Variants in NFIA observed in about 807,000 individuals in gnomAD.
NFIA encodes nuclear factor 1 A-type.
NFIA carries 8 observed loss-of-function variants against 62.8 expected under a neutral mutation model. That is an observed-to-expected ratio of 0.13 (90% CI 0.07 to 0.23). The LOEUF (loss-of-function observed/expected upper bound fraction) is 0.23. Ranked by LOEUF, NFIA falls within the 10% of genes least tolerant of loss-of-function variation. The probability of loss-of-function intolerance (pLI) is 1.00; values close to 1 mark genes in which losing one functional copy is unlikely to be tolerated. For missense variants in NFIA, 410 were observed against 642.1 expected (o/e 0.64, Z 3.91); for synonymous variants, 235 against 238.1 (o/e 0.99, Z 0.12).
intron 2 of NFIA, among the ~76,000 whole-genome samples, chr1:61,183,413 T>G (rs1650889986): frequency 6.6e-6 from 1 of 152,204 alleles, no homozygotes; most frequent in Admixed American, 6.5e-5. Flanking sequence ...AGCCCCTTGC[T>G]CTGGAGGAAC....
chr1:61,232,810 C>G (rs1654760300), intron 2 of NFIA, among the ~76,000 whole-genome samples: 1 of 151,830 alleles, frequency 6.6e-6, no homozygotes, highest in African/African-American at 2.4e-5. Context: ...TTTTTGAAAC[C>G]CATCTCAAGC....
chr1:61,132,425 G>A (rs1381613496), intron 2 of NFIA, among the ~76,000 whole-genome samples: 2 of 152,136 alleles, frequency 1.3e-5, no homozygotes, highest in Non-Finnish European at 2.9e-5. Flanking sequence ...AGGAAATACC[G>A]CCATGTCAGG....
intron 2 of NFIA, among the ~76,000 whole-genome samples, chr1:61,203,493 G>C (rs1652667734): frequency 6.6e-6 from 1 of 152,012 alleles, no homozygotes; most frequent in Admixed American, 6.6e-5. Flanking sequence ...GGGTTGCCTG[G>C]TTTTTGCTCT....
chr1:61,450,418 G>C (rs1668007397), intron 10 of NFIA, among the ~76,000 whole-genome samples: 1 of 152,172 alleles, frequency 6.6e-6, no homozygotes, highest in African/African-American at 2.4e-5. Context: ...AGAAGTGCGG[G>C]AAGCCAAAAA....
chr1:61,145,004 A>G (rs986907349), intron 2 of NFIA, among the ~76,000 whole-genome samples: 1 of 152,172 alleles, frequency 6.6e-6, no homozygotes, highest in Non-Finnish European at 1.5e-5. Context: ...TCAGAGTATG[A>G]CATTGCCTTC....
At chr1:61,306,495 C>T (rs764202230) in intron 3 of NFIA, among the ~76,000 whole-genome samples, 1 of 151,610 alleles carries the variant, frequency 6.6e-6, no homozygotes, top group Non-Finnish European at 1.5e-5. Context: ...AGGCTAGTCT[C>T]GAACTCCTGA....
intron 7 of NFIA, among the ~76,000 whole-genome samples, chr1:61,390,009 A>G (rs1664890479): frequency 6.6e-6 from 1 of 152,220 alleles, no homozygotes. Flanking sequence ...CAAGAGAAGC[A>G]TGGATTCTGT....
chr1:61,434,776 T>A (rs973720249), intron 10 of NFIA, among the ~76,000 whole-genome samples: 13 of 152,156 alleles, frequency 8.5e-5, no homozygotes, highest in Admixed American at 3.3e-4. Context: ...TCCTTTTTTT[T>A]AATATTAAAG....
intron 2 of NFIA, among the ~76,000 whole-genome samples, chr1:61,165,922 A>G (rs568872223): frequency 2.0e-5 from 3 of 152,328 alleles, no homozygotes; most frequent in African/African-American, 7.2e-5. Context: ...TAGTAATACT[A>G]CGATAATTAA....
intron 2 of NFIA, among the ~76,000 whole-genome samples, chr1:61,211,027 T>A (rs1424293092): frequency 6.6e-6 from 1 of 152,160 alleles, no homozygotes; most frequent in Non-Finnish European, 1.5e-5. Context: ...AGTAAGAAAA[T>A]AGATTGCAAG....
At chr1:61,294,851 A>T (rs1411344298) in intron 3 of NFIA, among the ~76,000 whole-genome samples, 1 of 152,188 alleles carries the variant, frequency 6.6e-6, no homozygotes, top group Non-Finnish European at 1.5e-5. Flanking sequence ...TGCTGTCCGT[A>T]TTCAGTGGAC....
chr1:61,397,329 T>C (rs1665330129), intron 7 of NFIA, among the ~76,000 whole-genome samples: 2 of 152,208 alleles, frequency 1.3e-5, no homozygotes, highest in Admixed American at 1.3e-4. Context: ...TTTTGTTGTT[T>C]GTGGAATTAT....
chr1:61,082,723 C>G lies in NFIA; in HGVS notation c.-69C>G. On this transcript the variant is annotated 5_prime_UTR_variant, in exon 1 of 11. Transcript: ENST00000403491. ...TCCTCTCTCCCTCTTTCTCCTCTCT[C>G]ACCCACACTCACGCACACCTCCAAA... 1 of 1,550,050 alleles carries G rather than the reference C, an allele frequency of 6.5e-7. No homozygotes were observed. Among genetic ancestry groups the G allele is most frequent in the Non-Finnish European group, 8.7e-7 (1 of 1,146,114 alleles).
chr1:61,140,924 A>G (rs1647458590), intron 2 of NFIA, among the ~76,000 whole-genome samples: 1 of 151,732 alleles, frequency 6.6e-6, no homozygotes, highest in African/African-American at 2.4e-5. Context: ...GCCATTCAAA[A>G]AGCTGGTGCT....
intron 3 of NFIA, among the ~76,000 whole-genome samples, chr1:61,320,789 C>T (rs995273761): frequency 3.3e-5 from 5 of 152,094 alleles, no homozygotes; most frequent in African/African-American, 1.2e-4. Context: ...TGGGCCATTA[C>T]GATTTTTTGC....
chr1:61,429,569 A>G (rs1018679255), intron 10 of NFIA, among the ~76,000 whole-genome samples: 2 of 152,192 alleles, frequency 1.3e-5, no homozygotes, highest in African/African-American at 2.4e-5. Context: ...TCTTTAGCGT[A>G]TACCCCCAAA....
chr1:61,419,817 T>C (rs76154210), intron 9 of NFIA, among the ~76,000 whole-genome samples: 3,840 of 152,326 alleles, frequency 0.025, 68 homozygotes, highest in Middle Eastern at 0.054. Context: ...TCATTAGCTT[T>C]TCAGGAAGGA....
chr1:61,450,834 G>A (rs987912831), intron 10 of NFIA, among the ~76,000 whole-genome samples: 6 of 152,170 alleles, frequency 3.9e-5, no homozygotes, highest in African/African-American at 1.4e-4. Context: ...GCTCCTTTTA[G>A]GGGTTAAAGT....
At chr1:61,111,760 T>C (rs546793317) in intron 2 of NFIA, among the ~76,000 whole-genome samples, 14 of 152,296 alleles carry the variant, frequency 9.2e-5, no homozygotes, top group African/African-American at 3.1e-4. Flanking sequence ...CAGCAGTTAA[T>C]GTCCGTTACT....
Sources: allele counts gnomAD v4.1 joint callset (sites outside exome capture counted in the v4.1 genomes callset), GRCh38; gene constraint gnomAD v4.1.1; transcripts MANE v1.5; gene names NCBI Gene and HGNC (gene_info 2026-07-23, HGNC 2026-07-21).